PRAMEF20: variants seen among roughly 807,000 people sequenced by gnomAD.
PRAMEF20 encodes the protein PRAME family member 20/21.
In PRAMEF20, 27 loss-of-function variants were observed where a neutral mutation model predicts 32.4. That is an observed-to-expected ratio of 0.83 (90% CI 0.61 to 1.15). PRAMEF20 has a LOEUF of 1.15. PRAMEF20 is among the 50% of genes most tolerant of loss of function. PRAMEF20 has a pLI of 0.00. For missense variants in PRAMEF20, 604 were observed against 584.5 expected, an observed-to-expected ratio of 1.03 and a Z score of -0.34; for synonymous variants, 256 against 235.4, an observed-to-expected ratio of 1.09 and a Z score of -0.80.
exon 1 of PRAMEF20, chr1:13,416,431 C>G (rs1212860264): frequency 6.2e-7 from 1 of 1,613,924 alleles, no homozygotes; most frequent in African/African-American, 1.3e-5. Flanking sequence ...TTGGCCATCT[C>G]CACCCTGGAG....
At chr1:13,420,364 C>A (rs1287013155) in intron 2 of PRAMEF20, among the ~76,000 whole-genome samples, 6 of 152,090 alleles carry the variant, frequency 3.9e-5, no homozygotes, top group Non-Finnish European at 7.3e-5. Context: ...GCGCCCACCA[C>A]CATGCCCAGC....
At chr1:13,416,944 G>A (rs1468053822) in intron 1 of PRAMEF20, among the ~76,000 whole-genome samples, 2 of 152,204 alleles carry the variant, frequency 1.3e-5, no homozygotes, top group East Asian at 1.9e-4. Flanking sequence ...GGCTGAGGCA[G>A]GTGGATCACC....
chr1:13,420,785 A>G (rs1404856339), exon 3 of PRAMEF20: 5 of 1,605,622 alleles, frequency 3.1e-6, no homozygotes, highest in Middle Eastern at 1.7e-4. Context: ...GTACCCGAGC[A>G]TTGGTCAACT....
At chr1:13,416,332 C>G (rs546636115), upstream of PRAMEF20, 2 of 1,612,246 alleles carry the variant, frequency 1.2e-6, no homozygotes, top group Non-Finnish European at 8.5e-7. Context: ...TCCTCTGGAA[C>G]TTTTCTTTGC....
At chr1:13,418,426 A>G in exon 2 of PRAMEF20, 2 of 1,613,910 alleles carry the variant, frequency 1.2e-6, no homozygotes, top group Admixed American at 1.7e-5. Flanking sequence ...TATCAGAAAC[A>G]TCCTGAAAAC....
chr1:13,418,462 G>A (rs1224926587), exon 2 of PRAMEF20: 7 of 1,613,824 alleles, frequency 4.3e-6, no homozygotes, highest in South Asian at 1.1e-5. Context: ...TATCCAGGAG[G>A]TGGAAGTGAA....
chr1:13,418,407 C>A (rs1220312544), exon 2 of PRAMEF20: 3 of 1,613,782 alleles, frequency 1.9e-6, no homozygotes, highest in Non-Finnish European at 2.5e-6. Context: ...TGGGAATGCT[C>A]TTCCACAATA....
At chr1:13,416,506 C>T in exon 1 of PRAMEF20, 1 of 1,614,056 alleles carries the variant, frequency 6.2e-7, no homozygotes, top group Non-Finnish European at 8.5e-7. Context: ...CACTGTGAGG[C>T]CCTGAAGCTG....
exon 2 of PRAMEF20, chr1:13,418,439 T>G: frequency 6.2e-7 from 1 of 1,613,922 alleles, no homozygotes; most frequent in Non-Finnish European, 8.5e-7. Context: ...CTGAAAACAG[T>G]CAACCTAGAC....
the PRAMEF20 span, chr1:13,410,474 T>G: frequency 1.3e-5 from 2 of 152,074 alleles, no homozygotes; most frequent in Non-Finnish European, 2.9e-5. Flanking sequence ...AGCCTGGAGT[T>G]TCTGCTTGGT....
At chr1:13,419,622 C>T (rs1028430943) in intron 2 of PRAMEF20, among the ~76,000 whole-genome samples, 2 of 152,024 alleles carry the variant, frequency 1.3e-5, no homozygotes, top group Admixed American at 1.3e-4. Flanking sequence ...GATGGGGTTT[C>T]ACCATGTTAG....
the PRAMEF20 span, chr1:13,410,655 T>C: frequency 6.6e-6 from 1 of 151,862 alleles, no homozygotes; most frequent in Non-Finnish European, 1.5e-5. Flanking sequence ...ATTTGAAGCT[T>C]TGACTTTTTC....
rs1569867694 is a variant in PRAMEF20, at chr1:13,418,118, T to A, written c.288-4T>A. On this transcript the variant is annotated splice_polypyrimidine_tract_variant and splice_region_variant and intron_variant, in intron 1 of 2. Coordinates refer to ENST00000602960, the Ensembl canonical transcript of PRAMEF20. ...TTCTCAGCCTCTCTTCTATTTTTCC[T>A]CAGGAGGTGGAAACTTCAAGTGCTG... is the stretch of plus-strand genomic sequence containing the variant. 24 of 1,611,832 alleles carry A rather than the reference T, an allele frequency of 1.5e-5. No individual in the cohort carries two copies. The highest frequency in any genetic ancestry group is 6.7e-5 in the African/African-American group (5 of 74,952).
upstream of PRAMEF20, among the ~76,000 whole-genome samples, chr1:13,412,554 C>A (rs1641124049): frequency 1.3e-5 from 2 of 152,116 alleles, no homozygotes; most frequent in Admixed American, 6.6e-5. Flanking sequence ...CCTAAGATCC[C>A]CCAACATATT....
intron 1 of PRAMEF20, among the ~76,000 whole-genome samples, chr1:13,417,697 A>C (rs1025096666): frequency 2.3e-4 from 35 of 149,998 alleles, no homozygotes; most frequent in Non-Finnish European, 3.8e-4. Context: ...AGAGCAGCTG[A>C]TATCCAGGAT....
Position 13,420,733 on chromosome 1 carries a change from T to C in PRAMEF20, c.903T>C (p.Thr301=). 4 of 1,613,796 alleles carry C rather than the reference T, an allele frequency of 2.5e-6. No individual in the cohort carries two copies. In the South Asian group the frequency reaches 4.4e-5, roughly 18 times the overall value. The change falls in exon 3 of 3, where the codon ACT becomes ACC. Residue 301 remains threonine, a synonymous_variant. Coordinates refer to ENST00000602960, the Ensembl canonical transcript of PRAMEF20. ...CCTCGTTAAACATCCTCGCAATAAC[T>C]AACTGTGTGCTTTTGGAATCAGACT...
upstream of PRAMEF20, chr1:13,416,322 T>G: frequency 6.2e-7 from 1 of 1,612,112 alleles, no homozygotes. Context: ...TCTGGATTTG[T>G]CCTCTGGAAC....
chr1:13,412,671 C>A (rs1641125055), upstream of PRAMEF20, among the ~76,000 whole-genome samples: 1 of 151,164 alleles, frequency 6.6e-6, no homozygotes, highest in Non-Finnish European at 1.5e-5. Context: ...ATTGAATTAT[C>A]CTATCCAGTT....
chr1:13,417,646 G>C (rs1034552968), intron 1 of PRAMEF20, among the ~76,000 whole-genome samples: 1 of 151,648 alleles, frequency 6.6e-6, no homozygotes, highest in South Asian at 2.1e-4. Context: ...GGGTAAAACA[G>C]GGTGGAGAAA....
Sources: allele counts gnomAD v4.1 joint callset (sites outside exome capture counted in the v4.1 genomes callset), GRCh38; gene constraint gnomAD v4.1.1; transcripts MANE v1.5; gene names NCBI Gene and HGNC (gene_info 2026-07-23, HGNC 2026-07-21).